The following GIGYF1 variants were observed in gnomAD, a reference collection of about 807,000 sequenced individuals.
GIGYF1 encodes the protein GRB10-interacting GYF protein 1.
In GIGYF1, 84 loss-of-function variants were observed where a neutral mutation model predicts 147.1. The ratio of observed to expected loss-of-function variants is 0.57; its 90% CI spans 0.48 to 0.68. GIGYF1 has a LOEUF of 0.68. Ranked by LOEUF, GIGYF1 falls within the 30% of genes least tolerant of loss-of-function variation. GIGYF1 has a pLI of 0.00. For missense variants in GIGYF1, 1,485 were observed against 1,393.7 expected (o/e 1.07, Z -1.04); for synonymous variants, 752 against 589.5 (o/e 1.28, Z -3.99).
chr7:100,686,880 G>T, intron 9 of GIGYF1, 61 bp from the exon 10 acceptor site: 1 of 1,478,924 alleles, frequency 6.8e-7, no homozygotes. Context: ...GGACCCTCAA[G>T]AAACGTTGGG....
rs149109870 is a variant in GIGYF1 at position 100,689,847 on chromosome 7, T to G, written c.-1098-292A>C. Among the ~76,000 whole-genome samples the G allele has an allele frequency of 1.2e-4, 18 of 152,254 alleles. No individual in the cohort carries two copies. The East Asian group carries it at 3.5e-3, about 29-fold the overall frequency. Reference sequence around the variant, plus strand: ...AGCAATCTGGGGACTGGATGAGCCTTGAGGACATCACGCTAAGAGAAACAC... The same window carrying G: ...AGCAATCTGGGGACTGGATGAGCCTGGAGGACATCACGCTAAGAGAAACAC... On this transcript the variant is annotated intron_variant, in intron 1 of 26. Transcript: ENST00000678049.
chr7:100,682,445 T>C lies in GIGYF1; in HGVS notation c.2638A>G (p.Lys880Glu). 1 of 1,613,378 alleles carries C rather than the reference T, an allele frequency of 6.2e-7. No homozygotes were observed. The highest frequency in any genetic ancestry group is 8.5e-7 in the Non-Finnish European group (1 of 1,179,984). ...AGCTTCTCTTCTTCCTCCGTCTTTT[T>C]GCGAATGGGCCGACCCGATAGGTGG... The part of the protein sequence containing the change: ...YSHLSGRPIR[K>E]KTEEEEKLLK... Residue 880 changes from lysine to glutamate, a missense_variant, in exon 24 of 27, where the codon AAA becomes GAA. Physicochemically the swap from Lys to Glu is moderately conservative, Grantham distance 56 (BLOSUM62 1). Transcript: ENST00000678049.
intron 1 of GIGYF1, among the ~76,000 whole-genome samples, chr7:100,691,662 C>T (rs1184318270): frequency 6.6e-6 from 1 of 152,122 alleles, no homozygotes; most frequent in Non-Finnish European, 1.5e-5. Flanking sequence ...GCTTTCTCAG[C>T]TCAGGGTCTC....
chr7:100,686,035 G>T lies in GIGYF1; in HGVS notation c.993C>A (p.Phe331Leu), dbSNP rs1424863336. 6.2e-7 allele frequency: 1 copy of T among 1,610,802 alleles called. No homozygotes were observed. Among genetic ancestry groups the T allele is most frequent in the African/African-American group, 1.3e-5 (1 of 74,824 alleles). The change falls in exon 12 of 27, where the codon TTC (phenylalanine) becomes TTA (leucine). Residue 331 changes from phenylalanine to leucine, a missense_variant. Physicochemically the swap from Phe to Leu is conservative, Grantham distance 22. Coordinates refer to ENST00000678049, the MANE Select transcript of GIGYF1 (RefSeq NM_001375765.1). ...EPIPEEQELD[F>L]QGLEEEEEPS... The stretch of plus-strand genomic sequence containing the variant: ...GTTCCTCCTCCTCCTCCAACCCTTG[G>T]AAGTCCAGCTCCTGCTCCTCAGGAA...
rs1202258983 is a variant in GIGYF1 at position 100,688,537 on chromosome 7, G to T, written c.-134-22C>A. 4.7e-6 allele frequency: 3 copies of T among 641,596 alleles called. No individual in the cohort carries two copies. The Admixed American group carries it at 6.3e-5, about 13-fold the overall frequency. 39.7% of individuals were successfully genotyped at this position (641,596 alleles called of 1,614,324 possible). A position where few individuals can be genotyped will look rare whatever the true frequency, so the allele number is the denominator to read the frequency against. ...AGACCTGGGGGAGGCGAGGAGATGGGAAGCTCGAGTCCTTTCGGCCTCAGC... is the reference window on the plus strand; with the variant it reads ...AGACCTGGGGGAGGCGAGGAGATGGTAAGCTCGAGTCCTTTCGGCCTCAGC... On this transcript the variant is annotated intron_variant, in intron 2 of 26. Coordinates refer to ENST00000678049, the MANE Select transcript of GIGYF1 (RefSeq NM_001375765.1).
intron 24 of GIGYF1, 27 bp from the exon 25 acceptor site, chr7:100,682,262 G>A (rs745664883): frequency 6.2e-7 from 1 of 1,608,028 alleles, no homozygotes; most frequent in Non-Finnish European, 8.5e-7. Flanking sequence ...GGCTGTCAGG[G>A]CCCCCTGGCC....
rs1271447305 is a variant in GIGYF1, at chr7:100,688,210, G to A, written c.29C>T (p.Pro10Leu). The change falls in exon 4 of 27, where the codon CCT becomes CTT. Residue 10 changes from proline (P) to leucine (L), a missense_variant. Pro to Leu is a moderately conservative substitution (Grantham distance 98, BLOSUM62 -3). Transcript: ENST00000678049. Reference protein sequence around the residue: MAAETLNFGPEWLRALSGGG... With the variant: MAAETLNFGLEWLRALSGGG... ...CGAGGCACAAGTGACTCACCACTCA[G>A]GCCCAAAGTTGAGTGTCTCTGCTGC... 1 of 1,612,682 alleles carries A rather than the reference G, an allele frequency of 6.2e-7. No homozygotes were observed. The highest frequency in any genetic ancestry group is 8.5e-7 in the Non-Finnish European group (1 of 1,179,546).
intron 1 of GIGYF1, among the ~76,000 whole-genome samples, chr7:100,690,084 G>A (rs566009444): frequency 3.3e-4 from 51 of 152,360 alleles, no homozygotes; most frequent in African/African-American, 1.2e-3. Flanking sequence ...TAGTAACACA[G>A]AATGGCACAA....
At position 100,687,545 on chromosome 7, in the gene GIGYF1, CA is replaced by C. The variant is rs770150936; in HGVS notation, c.332del (p.Leu111ArgfsTer234). ...RLMGKGAGPP[L>X]AGTSRGRGST... Reference sequence around the variant, plus strand: ...TGCCCCTGCCTCGGGAGGTGCCAGCCAGGGGGGGGCCAGCCCCTTTCCCCAT... The same window carrying C: ...TGCCCCTGCCTCGGGAGGTGCCAGCCGGGGGGGGCCAGCCCCTTTCCCCAT... On this transcript the variant is annotated frameshift_variant, in exon 7 of 27. Transcript: ENST00000678049. LOFTEE classifies it high-confidence loss of function. 74 of 1,612,410 alleles carry C rather than the reference CA, an allele frequency of 4.6e-5. No individual in the cohort carries two copies. The highest frequency in any genetic ancestry group is 1.6e-4 in the Middle Eastern group (1 of 6,074).
chr7:100,693,684 C>T (rs1489965231), intron 1 of GIGYF1, among the ~76,000 whole-genome samples: 2 of 151,992 alleles, frequency 1.3e-5, no homozygotes, highest in Non-Finnish European at 2.9e-5. Flanking sequence ...GGGTCGGGGG[C>T]CCCCAGGCGG....
intron 19 of GIGYF1, 48 bp downstream of exon 19, chr7:100,683,770 T>C (rs762503505): frequency 6.4e-7 from 1 of 1,573,642 alleles, no homozygotes; most frequent in Non-Finnish European, 8.7e-7. Flanking sequence ...CCAGACCCCA[T>C]TTCACCCGGA....
At position 100,684,025 on chromosome 7, in the gene GIGYF1, G is replaced by A. The variant is rs1408617537; in HGVS notation, c.1863C>T (p.Pro621=). ...GGCTCGCACGCACCACGCACCTGGG[G>A]GGTTTGAGCGCCTGGAGCTGCTGCA... ...AFLQQLQALK[P]PRGGDQNLLP... The change falls in exon 18 of 27, where the codon CCC becomes CCT. Residue 621 remains proline (P), a synonymous_variant. Coordinates refer to ENST00000678049, the MANE Select transcript of GIGYF1 (RefSeq NM_001375765.1). 18 of 1,605,052 alleles carry A rather than the reference G, an allele frequency of 1.1e-5. No individual in the cohort carries two copies. The highest frequency in any genetic ancestry group is 1.4e-5 in the Non-Finnish European group (17 of 1,179,412).
rs1805343980 is a variant in GIGYF1, at chr7:100,686,402, T to G, written c.726A>C (p.Glu242Asp). 1 of 1,608,718 alleles carries G rather than the reference T, an allele frequency of 6.2e-7. No individual in the cohort carries two copies. The highest frequency in any genetic ancestry group is 1.7e-5 in the Admixed American group (1 of 59,540). The change falls in exon 11 of 27, where the codon GAA (glutamate) becomes GAC (aspartate). Residue 242 changes from glutamate to aspartate, a missense_variant. Glu to Asp is a conservative substitution (Grantham distance 45). Transcript: ENST00000678049. Reference protein sequence around the residue: ...DGGPRSAGWREHGERRRKFEF... With the variant: ...DGGPRSAGWRDHGERRRKFEF... The stretch of plus-strand genomic sequence containing the variant: ...CAAACTTGCGCCGCCGTTCCCCATG[T>G]TCCCGCCAGCCAGCAGAGCGGGGAC...
At position 100,687,289 on chromosome 7, in the gene GIGYF1, C is replaced by CGG. The variant is rs1562881954; in HGVS notation, c.482+8_482+9insCC. The CGG allele has an allele frequency of 6.2e-7, 1 of 1,610,578 alleles. No individual in the cohort carries two copies. Among genetic ancestry groups the CGG allele is most frequent in the Admixed American group, 1.7e-5 (1 of 59,890 alleles). On this transcript the variant is annotated intron_variant, in intron 8 of 26. Transcript: ENST00000678049. ...CCCGGCTCTGCGCCATGCCCCCTCC[C>CGG]CGCCCCACCTGTCATCCCAGCTCTG... is the stretch of plus-strand genomic sequence containing the variant.
rs1489595431 is a variant in GIGYF1 at position 100,689,222 on chromosome 7, T to A, written c.-765A>T. The A allele has an allele frequency of 6.6e-6, 1 of 152,136 alleles. No individual in the cohort carries two copies. Among genetic ancestry groups the A allele is most frequent in the Non-Finnish European group, 1.5e-5 (1 of 68,184 alleles). 9.4% of individuals were successfully genotyped at this position (152,136 alleles called of 1,614,324 possible). ...CTCGGGCTGGTTTCCCCCACAGGAATCACACCCAGACCACCGCCCCCAATC... is the reference window on the plus strand; with the variant it reads ...CTCGGGCTGGTTTCCCCCACAGGAAACACACCCAGACCACCGCCCCCAATC... On this transcript the variant is annotated 5_prime_UTR_variant, in exon 2 of 27. Transcript: ENST00000678049.
chr7:100,682,730 C>T lies in GIGYF1; in HGVS notation c.2460G>A (p.Glu820=). The T allele has an allele frequency of 6.4e-7, 1 of 1,561,622 alleles. No individual in the cohort carries two copies. Among genetic ancestry groups the T allele is most frequent in the Non-Finnish European group, 8.7e-7 (1 of 1,155,270 alleles). ...CTGGCCCGCCCCACAGTGGCCCAGC[C>T]TCAGACACCCACTGGTTCAGGGGGG... ...GTAPLNQWVS[E]AGPLWGGPDK... Residue 820 remains glutamate, a synonymous_variant, in exon 23 of 27, where the codon GAG becomes GAA. Transcript: ENST00000678049.
rs767212129 is a variant in GIGYF1 at position 100,687,356 on chromosome 7, C to T, written c.424G>A (p.Asp142Asn). The change falls in exon 8 of 27, where the codon GAT becomes AAT. Residue 142 changes from aspartate (D) to asparagine (N), a missense_variant. By Grantham distance (23) the Asp-to-Asn change is conservative (BLOSUM62 1). Coordinates refer to ENST00000678049, the MANE Select transcript of GIGYF1 (RefSeq NM_001375765.1). ...CGGGGGCTTCGTCCAAAGGCCCCAT[C>T]GCCTTCTTCGATGCTTCTTTGGTAA... The part of the protein sequence containing the change: ...CFYQRSIEEG[D>N]GAFGRSPREI... 2.5e-6 allele frequency: 4 copies of T among 1,613,418 alleles called. No individual in the cohort carries two copies. Among genetic ancestry groups the T allele is most frequent in the East Asian group, 2.2e-5 (1 of 44,860 alleles).
At chr7:100,691,159 C>G (rs999148438) in intron 1 of GIGYF1, among the ~76,000 whole-genome samples, 1 of 152,258 alleles carries the variant, frequency 6.6e-6, no homozygotes, top group Non-Finnish European at 1.5e-5. Flanking sequence ...CACCCTCCAA[C>G]AGGTTCTGGA....
intron 10 of GIGYF1, 88 bp downstream of exon 10, chr7:100,686,561 T>C (rs1219008960): frequency 1.3e-6 from 2 of 1,526,558 alleles, no homozygotes; most frequent in African/African-American, 1.4e-5. Flanking sequence ...CAGCCTCTGC[T>C]CCCTCCCCGT....
Sources: allele counts gnomAD v4.1 joint callset (sites outside exome capture counted in the v4.1 genomes callset), GRCh38; gene constraint gnomAD v4.1.1; transcripts MANE v1.5; gene names NCBI Gene and HGNC (gene_info 2026-07-23, HGNC 2026-07-21).